LYRM4: variants seen among roughly 807,000 people sequenced by gnomAD.
The protein encoded by LYRM4 is LYR motif containing 4, also known as LYR motif-containing protein 4.
A neutral mutation model predicts 11.7 loss-of-function variants in LYRM4; 9 were observed. The observed-to-expected ratio is 0.77, with a 90% CI of 0.46 to 1.34. The LOEUF (loss-of-function observed/expected upper bound fraction) is 1.34. LYRM4 is among the 40% of genes most tolerant of loss of function. The pLI is 0.00. For missense variants in LYRM4, 133 were observed against 112.5 expected, an observed-to-expected ratio of 1.18 and a Z score of -0.82; for synonymous variants, 42 against 40.4, an observed-to-expected ratio of 1.04 and a Z score of -0.15.
chr6:5,245,643 C>T (rs1764163469), intron 1 of LYRM4, among the ~76,000 whole-genome samples: 1 of 152,194 alleles, frequency 6.6e-6, no homozygotes, highest in Non-Finnish European at 1.5e-5. Flanking sequence ...TGAGCAAAAG[C>T]AAATCTAGTC....
At chr6:5,104,597 T>C (rs1323495670), downstream of LYRM4, 1 of 152,194 alleles carries the variant, frequency 6.6e-6, no homozygotes, top group African/African-American at 2.4e-5. Context: ...TAAAAATTAT[T>C]AAATGGATAA....
intron 1 of LYRM4, chr6:5,218,209 C>G (rs570362762): frequency 1.0e-6 from 1 of 976,114 alleles, no homozygotes; most frequent in African/African-American, 1.8e-5. Flanking sequence ...GCCTGGCTCT[C>G]TCGTCTTCTT....
chr6:5,032,413 T>C, the LYRM4 span: 1 of 152,248 alleles, frequency 6.6e-6, no homozygotes, highest in Non-Finnish European at 1.5e-5. Context: ...TAATAACATA[T>C]TAAAATTAAA....
chr6:5,047,149 C>T, the LYRM4 span, among the ~76,000 whole-genome samples: 2 of 152,124 alleles, frequency 1.3e-5, no homozygotes, highest in Non-Finnish European at 2.9e-5. Flanking sequence ...TACACAAAGT[C>T]ACAGATTCAG....
chr6:5,217,602 C>A (rs752379556), intron 1 of LYRM4, among the ~76,000 whole-genome samples: 2 of 152,266 alleles, frequency 1.3e-5, no homozygotes, highest in Non-Finnish European at 2.9e-5. Context: ...AAGCCTGTTA[C>A]ATAGAAAGAC....
At chr6:5,158,023 C>G (rs1471093800) in intron 2 of LYRM4, among the ~76,000 whole-genome samples, 2 of 152,274 alleles carry the variant, frequency 1.3e-5, no homozygotes, top group Middle Eastern at 3.4e-3. Context: ...ACACAAGCCA[C>G]ACACTCTGTT....
chr6:5,041,845 T>C, the LYRM4 span, among the ~76,000 whole-genome samples: 1 of 152,256 alleles, frequency 6.6e-6, no homozygotes, highest in Non-Finnish European at 1.5e-5. Flanking sequence ...AAATATTTTA[T>C]TTGGATGGTT....
intron 2 of LYRM4, among the ~76,000 whole-genome samples, chr6:5,157,596 C>A (rs2127649115): frequency 6.6e-6 from 1 of 151,248 alleles, no homozygotes. Context: ...TACTTTAAAA[C>A]AGAAACAACA....
chr6:5,059,600 A>G, the LYRM4 span, among the ~76,000 whole-genome samples: 6 of 152,096 alleles, frequency 3.9e-5, no homozygotes, highest in Non-Finnish European at 8.8e-5. Context: ...CTGCGGCCCC[A>G]TCAGACTTTG....
At position 5,191,480 on chromosome 6, in the gene LYRM4, A is replaced by G. The variant is rs189307438; in HGVS notation, c.207+25138T>C. 3.8e-3 allele frequency among the ~76,000 whole-genome samples: 575 copies of G among 152,298 alleles called. 2 individuals are homozygous for G. The highest frequency in any genetic ancestry group is 5.5e-3 in the Non-Finnish European group (374 of 68,024). Reference sequence around the variant, plus strand: ...GCCTGAAAATGTGTTGTGAGAGAGTATTTTCACTGTCTTGAGCTAAGGTCA... The same window carrying G: ...GCCTGAAAATGTGTTGTGAGAGAGTGTTTTCACTGTCTTGAGCTAAGGTCA... On this transcript the variant is annotated intron_variant, in intron 2 of 2. Transcript: ENST00000330636.
chr6:5,193,721 T>C (rs1760894502), intron 2 of LYRM4, among the ~76,000 whole-genome samples: 2 of 152,108 alleles, frequency 1.3e-5, no homozygotes, highest in African/African-American at 2.4e-5. Flanking sequence ...AGGCCAGAGA[T>C]CCTGACAACC....
the LYRM4 span, among the ~76,000 whole-genome samples, chr6:5,096,133 G>T: frequency 2.0e-5 from 3 of 152,142 alleles, no homozygotes; most frequent in Admixed American, 2.0e-4. Flanking sequence ...TGCTATTTCT[G>T]CAATTTCTTG....
At chr6:5,139,494 G>A (rs570644182) in intron 2 of LYRM4, among the ~76,000 whole-genome samples, 11 of 152,160 alleles carry the variant, frequency 7.2e-5, no homozygotes, top group African/African-American at 1.7e-4. Context: ...ACTGGTTTTC[G>A]ACACTTTTGC....
At chr6:5,146,958 A>G (rs1033976867) in intron 2 of LYRM4, among the ~76,000 whole-genome samples, 2 of 152,214 alleles carry the variant, frequency 1.3e-5, no homozygotes, top group African/African-American at 4.8e-5. Context: ...ACAGAAAAGC[A>G]GAAGAGCATG....
the LYRM4 span, chr6:5,089,484 C>T: frequency 6.6e-6 from 1 of 152,122 alleles, no homozygotes; most frequent in Non-Finnish European, 1.5e-5. Context: ...ATGATTCAAA[C>T]AGAGATCTTT....
At chr6:5,186,020 A>C (rs1429152265) in intron 2 of LYRM4, among the ~76,000 whole-genome samples, 6 of 152,154 alleles carry the variant, frequency 3.9e-5, no homozygotes, top group Non-Finnish European at 8.8e-5. Flanking sequence ...AAAGGCACGC[A>C]CATGTTTTTG....
chr6:5,178,359 C>T (rs1759843380), intron 2 of LYRM4, among the ~76,000 whole-genome samples: 2 of 151,626 alleles, frequency 1.3e-5, no homozygotes, highest in Admixed American at 1.3e-4. Flanking sequence ...ACAGACAGAC[C>T]CTCTAAGGCA....
At chr6:5,226,150 G>T (rs1762879497) in intron 1 of LYRM4, among the ~76,000 whole-genome samples, 1 of 152,138 alleles carries the variant, frequency 6.6e-6, no homozygotes, top group South Asian at 2.1e-4. Flanking sequence ...CACTTTTTGT[G>T]TGGTCCGGTG....
At chr6:5,112,666 C>T (rs2127594987) in intron 2 of LYRM4, among the ~76,000 whole-genome samples, 1 of 152,322 alleles carries the variant, frequency 6.6e-6, no homozygotes, top group Admixed American at 6.5e-5. Context: ...CTGACAAGAA[C>T]TGAGATAAAT....
Sources: allele counts gnomAD v4.1 joint callset (sites outside exome capture counted in the v4.1 genomes callset), GRCh38; gene constraint gnomAD v4.1.1; transcripts MANE v1.5; gene names NCBI Gene and HGNC (gene_info 2026-07-23, HGNC 2026-07-21).